VAV3: variants seen among roughly 807,000 people sequenced by gnomAD.
VAV3 encodes guanine nucleotide exchange factor VAV3.
VAV3 carries 94 observed loss-of-function variants against 131.2 expected under a neutral mutation model. The ratio of observed to expected loss-of-function variants is 0.72; its 90% CI spans 0.61 to 0.85. The LOEUF is 0.85. Ranked by LOEUF, VAV3 falls within the 40% of genes least tolerant of loss-of-function variation. The probability of loss-of-function intolerance (pLI) is 0.00; values close to 1 mark genes in which losing one functional copy is unlikely to be tolerated. For missense variants in VAV3, 939 were observed against 1,002.7 expected (o/e 0.94, Z 0.86); for synonymous variants, 349 against 342.0 (o/e 1.02, Z -0.22).
In VAV3 at chr1:107,695,828, T is replaced by C. The variant is rs544077536; in HGVS notation, c.1706-7422A>G. ...AATGAAAGAGAAAGGTCAAGTAAGG[T>C]AAGGCCTAAATGTGATGTGCCATGG... On this transcript the variant is annotated intron_variant, in intron 17 of 26. Coordinates refer to ENST00000370056, the MANE Select transcript of VAV3 (RefSeq NM_006113.5). Among the ~76,000 whole-genome samples the C allele has an allele frequency of 1.3e-4, 20 of 152,208 alleles. No individual in the cohort carries two copies. In the East Asian group the frequency reaches 3.9e-3, roughly 29 times the overall value.
chr1:107,930,022 G>A (rs1673348648), intron 1 of VAV3, among the ~76,000 whole-genome samples: 1 of 152,026 alleles, frequency 6.6e-6, no homozygotes, highest in African/African-American at 2.4e-5. Context: ...AGAATAGAAG[G>A]ATAGTTACCA....
intron 1 of VAV3, among the ~76,000 whole-genome samples, chr1:107,903,538 T>A (rs1455261580): frequency 1.3e-5 from 2 of 152,092 alleles, no homozygotes; most frequent in Non-Finnish European, 2.9e-5. Context: ...TCTCTCTAAC[T>A]TCAGGTAGAA....
chr1:107,759,404 T>C (rs541974139), intron 10 of VAV3, among the ~76,000 whole-genome samples: 1 of 152,230 alleles, frequency 6.6e-6, no homozygotes, highest in Non-Finnish European at 1.5e-5. Flanking sequence ...ATTCTCACTT[T>C]GTGAATCTGT....
chr1:107,590,864 C>T (rs56197207), intron 25 of VAV3, among the ~76,000 whole-genome samples: 7,670 of 152,198 alleles, frequency 0.05, 209 homozygotes, highest in Middle Eastern at 0.082. Context: ...TCTGCAATAG[C>T]CTCCTAACTC....
chr1:107,771,454 C>T (rs1376411281), intron 5 of VAV3, among the ~76,000 whole-genome samples: 2 of 152,092 alleles, frequency 1.3e-5, no homozygotes, highest in Admixed American at 6.5e-5. Flanking sequence ...GAGGTTTCAC[C>T]GTGTTAGCCA....
chr1:107,812,717 TA>T (rs1325339302), intron 2 of VAV3, among the ~76,000 whole-genome samples: 1 of 152,166 alleles, frequency 6.6e-6, no homozygotes, highest in Non-Finnish European at 1.5e-5. Context: ...AAGAACCTAT[TA>T]GGGGTCAAGC....
chr1:107,959,570 T>A (rs1266195044), intron 1 of VAV3, among the ~76,000 whole-genome samples: 1 of 152,140 alleles, frequency 6.6e-6, no homozygotes, highest in Non-Finnish European at 1.5e-5. Context: ...TTGGTTTCCC[T>A]CCTACCTCAT....
intron 20 of VAV3, among the ~76,000 whole-genome samples, chr1:107,630,465 G>C (rs1329035680): frequency 6.6e-6 from 1 of 152,060 alleles, no homozygotes; most frequent in Non-Finnish European, 1.5e-5. Flanking sequence ...ACTTCCACTT[G>C]ACAGATAAAA....
intron 17 of VAV3, 50 bp downstream of exon 17, chr1:107,704,500 A>C (rs763829496): frequency 6.7e-7 from 1 of 1,481,692 alleles, no homozygotes; most frequent in South Asian, 1.2e-5. Context: ...ATGTTTAGCA[A>C]ATTTTATGTC....
chr1:107,860,548 A>G (rs1319698056), intron 2 of VAV3, among the ~76,000 whole-genome samples: 1 of 151,470 alleles, frequency 6.6e-6, no homozygotes, highest in African/African-American at 2.4e-5. Flanking sequence ...GTAATCCTCA[A>G]ACCACTTGGT....
At chr1:107,617,540 A>C in intron 21 of VAV3, 27 bp downstream of exon 21, 1 of 1,586,954 alleles carries the variant, frequency 6.3e-7, no homozygotes, top group Non-Finnish European at 8.6e-7. Flanking sequence ...AAATGAAGCA[A>C]GAGAAAATTA....
rs563301576 is a variant in VAV3 at position 107,789,209 on chromosome 1, A to T, written c.322-9717T>A. Among the ~76,000 whole-genome samples, 234 of 152,326 alleles carry T rather than the reference A, an allele frequency of 1.5e-3. 3 individuals carry two copies. The highest frequency in any genetic ancestry group is 5.6e-3 in the African/African-American group (232 of 41,578). ...AGCTGCCCACAATCACACAGCTGGGACAAAGTCAACACATTTTCCAAACTC... is the reference window on the plus strand; with the variant it reads ...AGCTGCCCACAATCACACAGCTGGGTCAAAGTCAACACATTTTCCAAACTC... On this transcript the variant is annotated intron_variant, in intron 2 of 26. Transcript: ENST00000370056.
At chr1:107,931,366 T>A (rs974028772) in intron 1 of VAV3, among the ~76,000 whole-genome samples, 1 of 152,170 alleles carries the variant, frequency 6.6e-6, no homozygotes, top group Non-Finnish European at 1.5e-5. Context: ...AATACATGTA[T>A]CAAAATATCA....
intron 25 of VAV3, among the ~76,000 whole-genome samples, chr1:107,581,414 A>G (rs1650042507): frequency 6.6e-6 from 1 of 152,212 alleles, no homozygotes; most frequent in Non-Finnish European, 1.5e-5. Context: ...AAAGTTTCCA[A>G]TTAGGAACTA....
At position 107,760,850 on chromosome 1, in the gene VAV3, T is replaced by C. The variant is rs1174916947; in HGVS notation, c.951A>G (p.Lys317=). ...EECSKRANNG[K]FTLRDLLVVP... ...CCACAAGCAAGTCTCGAAGAGTAAA[T>C]TTCCCATTATTTGCTCTTTTGGAAC... is the stretch of plus-strand genomic sequence containing the variant. The change falls in exon 10 of 27, where the codon AAA becomes AAG. Residue 317 remains lysine, a synonymous_variant. Coordinates refer to ENST00000370056, the MANE Select transcript of VAV3 (RefSeq NM_006113.5). 2.5e-6 allele frequency: 4 copies of C among 1,613,792 alleles called. No homozygotes were observed. The Admixed American group carries it at 5.0e-5, about 20-fold the overall frequency.
chr1:107,680,135 C>A, intron 19 of VAV3, among the ~76,000 whole-genome samples: 1 of 152,026 alleles, frequency 6.6e-6, no homozygotes, highest in East Asian at 1.9e-4. Context: ...TTCACTCTTT[C>A]TTGGATTTGA....
intron 2 of VAV3, among the ~76,000 whole-genome samples, chr1:107,853,964 T>C (rs540002363): frequency 1.3e-5 from 2 of 150,828 alleles, no homozygotes; most frequent in Non-Finnish European, 3.0e-5. Context: ...GGTAACTGTA[T>C]TTTTTTTTTC....
intron 1 of VAV3, among the ~76,000 whole-genome samples, chr1:107,940,697 G>A (rs144378385): frequency 4.9e-4 from 74 of 152,184 alleles, no homozygotes; most frequent in African/African-American, 1.5e-3. Context: ...AAACCTTCAG[G>A]ACATTAAACT....
At chr1:107,724,022 A>T (rs1661680735) in intron 15 of VAV3, among the ~76,000 whole-genome samples, 2 of 152,124 alleles carry the variant, frequency 1.3e-5, no homozygotes, top group Non-Finnish European at 2.9e-5. Flanking sequence ...AAGGCTCGTG[A>T]AGCGACTAAC....
Sources: gnomAD v4.1 joint callset for allele counts (sites outside exome capture counted in the v4.1 genomes callset) on GRCh38, gnomAD v4.1.1 for gene constraint, MANE v1.5 for transcripts, NCBI Gene and HGNC (gene_info 2026-07-23, HGNC 2026-07-21) for gene names.